The following TRMT9B variants were observed in gnomAD, a reference collection of about 807,000 sequenced individuals.
The protein encoded by TRMT9B is probable tRNA methyltransferase 9B.
Under a neutral mutation model 11.5 loss-of-function variants are expected in TRMT9B, and 16 were observed. That is an observed-to-expected ratio of 1.39 (90% CI 0.94 to 2.11). The LOEUF (loss-of-function observed/expected upper bound fraction) is 2.11. TRMT9B is among the 30% of genes most tolerant of loss of function. TRMT9B has a pLI of 0.00. For missense variants in TRMT9B, 941 were observed against 553.8 expected (o/e 1.70, Z -7.02); for synonymous variants, 274 against 192.4 (o/e 1.42, Z -3.51).
Position 13,029,310 on chromosome 8 carries a change from T to C in TRMT9B, c.*7266T>C, listed in dbSNP as rs1162787608. ...AAAACTTTTTTCTACAATGTACAGT[T>C]ATTTTGACTTTTCCCAGGGGAAGCT... On this transcript the variant is annotated 3_prime_UTR_variant, in exon 5 of 5. Coordinates refer to ENST00000524591, the MANE Select transcript of TRMT9B (RefSeq NM_020844.3). 6.0e-6 allele frequency: 1 copy of C among 167,076 alleles called. No homozygotes were observed. Among genetic ancestry groups the C allele is most frequent in the Non-Finnish European group, 1.5e-5 (1 of 68,118 alleles). 10.3% of individuals were successfully genotyped at this position (167,076 alleles called of 1,614,324 possible). A position where few individuals can be genotyped will look rare whatever the true frequency, so the allele number is the denominator to read the frequency against.
intron 1 of TRMT9B, among the ~76,000 whole-genome samples, chr8:12,948,842 C>T (rs1355058545): frequency 6.6e-6 from 1 of 152,118 alleles, no homozygotes; most frequent in South Asian, 2.1e-4. Context: ...CGCCTGTAGT[C>T]CCCGCTACTT....
chr8:13,020,810 A>G (rs1813679162), intron 4 of TRMT9B, among the ~76,000 whole-genome samples, 198 bp from the exon 5 acceptor site: 1 of 152,238 alleles, frequency 6.6e-6, no homozygotes, highest in African/African-American at 2.4e-5. Flanking sequence ...TATTAAAAGT[A>G]CAGGAGCCAA....
At chr8:13,005,815 A>C (rs1425025213) in intron 2 of TRMT9B, among the ~76,000 whole-genome samples, 1 of 152,194 alleles carries the variant, frequency 6.6e-6, no homozygotes, top group African/African-American at 2.4e-5. Context: ...ATTGGGTTGA[A>C]ATGGTGAGCT....
At chr8:13,014,292 A>G (rs1442804931) in intron 4 of TRMT9B, among the ~76,000 whole-genome samples, 1 of 152,208 alleles carries the variant, frequency 6.6e-6, no homozygotes, top group East Asian at 1.9e-4. Context: ...AGCCTGCTAT[A>G]GCAAAATACC....
chr8:13,010,812 G>T (rs114672627), intron 3 of TRMT9B: 1 of 982,724 alleles, frequency 1.0e-6, no homozygotes, highest in Non-Finnish European at 1.2e-6. Context: ...AAATACACAG[G>T]ATTTTAATTT....
chr8:13,019,710 C>G (rs1187776812), intron 4 of TRMT9B, among the ~76,000 whole-genome samples: 6 of 152,198 alleles, frequency 3.9e-5, no homozygotes, highest in African/African-American at 1.4e-4. Flanking sequence ...GACTCTACTT[C>G]TAGAAAGGTA....
At chr8:13,014,452 G>A (rs1812241290) in intron 4 of TRMT9B, among the ~76,000 whole-genome samples, 1 of 152,148 alleles carries the variant, frequency 6.6e-6, no homozygotes, top group South Asian at 2.1e-4. Context: ...CACGTGAAAT[G>A]CGGCAGGAGA....
At chr8:13,017,733 T>A (rs947570389) in intron 4 of TRMT9B, among the ~76,000 whole-genome samples, 7 of 150,720 alleles carry the variant, frequency 4.6e-5, no homozygotes, top group Admixed American at 4.0e-4. Context: ...CTCACATCAG[T>A]TTCCTGAGTA....
chr8:13,017,762 C>G (rs567233549), intron 4 of TRMT9B, among the ~76,000 whole-genome samples: 1 of 151,742 alleles, frequency 6.6e-6, no homozygotes, highest in Non-Finnish European at 1.5e-5. Flanking sequence ...CATAGACACA[C>G]ACCACCACGC....
At chr8:12,969,741 G>C (rs898942372) in intron 1 of TRMT9B, among the ~76,000 whole-genome samples, 1 of 151,382 alleles carries the variant, frequency 6.6e-6, no homozygotes, top group Non-Finnish European at 1.5e-5. Flanking sequence ...GTACAATCAC[G>C]GCTCATTGCA....
intron 3 of TRMT9B, chr8:13,011,326 G>A (rs1472890051): frequency 2.0e-6 from 2 of 985,120 alleles, no homozygotes; most frequent in African/African-American, 1.7e-5. Context: ...CACTGTCTCA[G>A]CTGGCATTAA....
intron 1 of TRMT9B, chr8:12,951,437 CT>C (rs1288225936): frequency 6.6e-6 from 1 of 152,382 alleles, no homozygotes; most frequent in Non-Finnish European, 1.5e-5. Context: ...GCGTCTTCTC[CT>C]ACGCAGGAAG....
In TRMT9B at chr8:13,022,181, G is replaced by C. The variant is rs1279834744; in HGVS notation, c.*137G>C. 1.1e-5 allele frequency: 6 copies of C among 562,194 alleles called. No homozygotes were observed. The highest frequency in any genetic ancestry group is 1.4e-5 in the Non-Finnish European group (5 of 349,122). The allele number at this position is 562,194 out of a possible 1,614,324, so 34.8% of individuals were successfully genotyped here. A position where few individuals can be genotyped will look rare whatever the true frequency, so the allele number is the denominator to read the frequency against. On this transcript the variant is annotated 3_prime_UTR_variant, in exon 5 of 5. Coordinates refer to ENST00000524591, the MANE Select transcript of TRMT9B (RefSeq NM_020844.3). ...GGTCTGCAGAGACTATTAATTATTTGGTTGTTTTGTTTTCATTTTTGAATA... is the reference window on the plus strand; with the variant it reads ...GGTCTGCAGAGACTATTAATTATTTCGTTGTTTTGTTTTCATTTTTGAATA...
chr8:13,013,790 A>C (rs1563432692), intron 4 of TRMT9B, among the ~76,000 whole-genome samples: 1 of 152,038 alleles, frequency 6.6e-6, no homozygotes, highest in Non-Finnish European at 1.5e-5. Context: ...TCTCTACTAA[A>C]AATACAAAAA....
chr8:12,992,527 A>C (rs960863942), intron 2 of TRMT9B, among the ~76,000 whole-genome samples: 1 of 151,904 alleles, frequency 6.6e-6, no homozygotes, highest in Non-Finnish European at 1.5e-5. Flanking sequence ...ACAAACTTAG[A>C]TGGTCATGAA....
At chr8:12,957,174 A>G (rs796885754) in intron 1 of TRMT9B, among the ~76,000 whole-genome samples, 28 of 152,326 alleles carry the variant, frequency 1.8e-4, no homozygotes, top group African/African-American at 6.0e-4. Flanking sequence ...TTCTGCTTTC[A>G]AAGAATATTT....
At chr8:12,982,381 G>A (rs576900027) in intron 1 of TRMT9B, among the ~76,000 whole-genome samples, 1 of 152,186 alleles carries the variant, frequency 6.6e-6, no homozygotes, top group South Asian at 2.1e-4. Flanking sequence ...CATAATCAGG[G>A]TCAGACACGG....
At chr8:12,981,268 A>G (rs1805325762) in intron 1 of TRMT9B, among the ~76,000 whole-genome samples, 1 of 152,226 alleles carries the variant, frequency 6.6e-6, no homozygotes, top group African/African-American at 2.4e-5. Flanking sequence ...ACTCTGGTGC[A>G]AAGTCCTCCT....
chr8:12,964,163 C>T (rs1349953125), intron 1 of TRMT9B, among the ~76,000 whole-genome samples: 3 of 152,144 alleles, frequency 2.0e-5, no homozygotes, highest in African/African-American at 7.2e-5. Context: ...ATTATTGTGA[C>T]ATTAGTTTTG....
Sources: gnomAD v4.1 joint callset for allele counts (sites outside exome capture counted in the v4.1 genomes callset) on GRCh38, gnomAD v4.1.1 for gene constraint, MANE v1.5 for transcripts, NCBI Gene and HGNC (gene_info 2026-07-23, HGNC 2026-07-21) for gene names.